CHM: variants seen among roughly 807,000 people sequenced by gnomAD.
CHM encodes the protein rab proteins geranylgeranyltransferase component A 1.
A neutral mutation model predicts 49.0 loss-of-function variants in CHM; 10 were observed. The observed-to-expected ratio is 0.20, with a 90% CI of 0.13 to 0.35. CHM has a LOEUF of 0.35. Among genes scored for constraint, CHM ranks in the 10% least tolerant of loss-of-function variants. The probability of loss-of-function intolerance (pLI) is 1.00; values close to 1 mark genes in which losing one functional copy is unlikely to be tolerated. For missense variants in CHM, 455 were observed against 478.4 expected, an observed-to-expected ratio of 0.95 and a Z score of 0.46; for synonymous variants, 184 against 167.5, an observed-to-expected ratio of 1.10 and a Z score of -0.76.
Position 85,900,654 on chromosome X carries a change from C to A in CHM, c.1405G>T (p.Asp469Tyr). 1 of 1,166,233 alleles carries A rather than the reference C, an allele frequency of 8.6e-7. No individual in the cohort carries two copies. The highest frequency in any genetic ancestry group is 1.2e-6 in the Non-Finnish European group (1 of 857,053). Residue 469 changes from aspartate to tyrosine, a missense_variant, in exon 11 of 15, where the codon GAT becomes TAT. Coordinates refer to ENST00000357749, the MANE Select transcript of CHM (RefSeq NM_000390.4). ...TATAGGACTGAATTTACCTGTTGAT[C>A]TGAATCTGTTTTTAGGACAGATCTA... ...TDRSVLKTDS[D>Y]QQISILTVPA...
chrX:85,983,780 C>T (rs1236275298), intron 2 of CHM, among the ~76,000 whole-genome samples: 2 of 111,264 alleles, frequency 1.8e-5, no homozygotes, highest in African/African-American at 3.3e-5. Context: ...AAAGTTTCTT[C>T]GGACACAAAA....
In CHM at chrX:85,863,543, G is replaced by T; in HGVS notation, c.*1087C>A. 1 of 111,733 alleles carries T rather than the reference G, an allele frequency of 8.9e-6. No individual in the cohort carries two copies. The highest frequency in any genetic ancestry group is 1.9e-5 in the Non-Finnish European group (1 of 53,138). The allele number at this position is 111,733 out of a possible 1,213,427, so 9.2% of individuals were successfully genotyped here. A position where few individuals can be genotyped will look rare whatever the true frequency, so the allele number is the denominator to read the frequency against. On this transcript the variant is annotated 3_prime_UTR_variant, in exon 15 of 15. Transcript: ENST00000357749. ...ATTCTACTTGTTACTATTTTTACTG[G>T]TCTGTAAGACTATAAAATACTACTT...
At chrX:85,882,634 T>C (rs1048631319) in intron 12 of CHM, among the ~76,000 whole-genome samples, 1 of 111,971 alleles carries the variant, frequency 8.9e-6, no homozygotes, top group African/African-American at 3.2e-5. Context: ...TGTATTGGCA[T>C]TAAAGAAATC....
At chrX:85,890,148 G>A (rs1454255457) in intron 12 of CHM, among the ~76,000 whole-genome samples, 1 of 111,201 alleles carries the variant, frequency 9.0e-6, no homozygotes, top group Non-Finnish European at 1.9e-5. Context: ...AGCATCATGC[G>A]ATATACCCTT....
chrX:85,974,234 T>C (rs1168395074), intron 4 of CHM, among the ~76,000 whole-genome samples: 1 of 112,112 alleles, frequency 8.9e-6, no homozygotes, highest in Middle Eastern at 4.7e-3. Flanking sequence ...CAAAATTCTA[T>C]TGAAGAAAAT....
chrX:86,006,232 C>T (rs1421520979), intron 2 of CHM, among the ~76,000 whole-genome samples: 2 of 111,518 alleles, frequency 1.8e-5, no homozygotes, highest in Non-Finnish European at 3.8e-5. Context: ...GCTAAAAACT[C>T]TCAATAAACT....
rs1179077493 is a variant in CHM at position 85,900,716 on chromosome X, T to C, written c.1350-7A>G. The C allele has an allele frequency of 4.3e-6, 5 of 1,161,481 alleles. No individual in the cohort carries two copies. The highest frequency in any genetic ancestry group is 1.8e-5 in the African/African-American group (1 of 56,236). On this transcript the variant is annotated splice_polypyrimidine_tract_variant and splice_region_variant and intron_variant, in intron 10 of 14. Transcript: ENST00000357749. ...CACTGCCCTGGAGATCTGCCTGTAA[T>C]GCACAAAACAGTGAAGCAGTAATTC... is the stretch of plus-strand genomic sequence containing the variant.
intron 4 of CHM, among the ~76,000 whole-genome samples, chrX:85,976,344 C>T (rs1182311651): frequency 8.9e-6 from 1 of 112,019 alleles, no homozygotes; most frequent in Non-Finnish European, 1.9e-5. Context: ...ATGTTAGAGC[C>T]GGGCGCAGTG....
rs749960112 is a variant in CHM at position 85,912,532 on chromosome X, T to C, written c.1167-1194A>G. ...AACACAGGAAAATAATAATGGAATGTCCAGAAAGACGACTATGGTAGGCTG... is the reference window on the plus strand; with the variant it reads ...AACACAGGAAAATAATAATGGAATGCCCAGAAAGACGACTATGGTAGGCTG... On this transcript the variant is annotated intron_variant, in intron 8 of 14. Transcript: ENST00000357749. Among the ~76,000 whole-genome samples, 8 of 111,431 alleles carry C rather than the reference T, an allele frequency of 7.2e-5. No individual in the cohort carries two copies. In the East Asian group the frequency reaches 2.3e-3, roughly 32 times the overall value.
At chrX:85,892,114 A>C (rs1296042158) in intron 12 of CHM, among the ~76,000 whole-genome samples, 1 of 111,822 alleles carries the variant, frequency 8.9e-6, no homozygotes, top group Non-Finnish European at 1.9e-5. Flanking sequence ...TGTATCTAGG[A>C]AGTTAACTAA....
intron 2 of CHM, among the ~76,000 whole-genome samples, chrX:86,004,800 A>T (rs1932818613): frequency 9.0e-6 from 1 of 111,575 alleles, no homozygotes; most frequent in African/African-American, 3.3e-5. Context: ...TTAGACTCCC[A>T]CACAATAATA....
intron 4 of CHM, among the ~76,000 whole-genome samples, chrX:85,968,252 T>C (rs188103437): frequency 7.0e-4 from 79 of 112,373 alleles, no homozygotes; most frequent in Non-Finnish European, 1.3e-3. Flanking sequence ...CAATTTTGAA[T>C]TGCTGCAATA....
chrX:85,925,228 A>G (rs1928015611), intron 8 of CHM, among the ~76,000 whole-genome samples: 1 of 111,410 alleles, frequency 9.0e-6, no homozygotes, highest in Non-Finnish European at 1.9e-5. Context: ...TCATAAGTAC[A>G]GTGACCACCT....
chrX:86,027,600 A>G (rs1450735629), intron 1 of CHM, 43 bp from the exon 2 acceptor site: 1 of 1,093,511 alleles, frequency 9.1e-7, no homozygotes, highest in Admixed American at 2.2e-5. Flanking sequence ...GTAGAAATAT[A>G]TATATTTTAC....
At chrX:85,977,975 T>A (rs1239236476) in intron 4 of CHM, among the ~76,000 whole-genome samples, 1 of 112,033 alleles carries the variant, frequency 8.9e-6, no homozygotes. Context: ...ACAAAGCGTA[T>A]CCTGAAGAAT....
intron 7 of CHM, 35 bp downstream of exon 7, chrX:85,957,820 A>C: frequency 2.5e-6 from 3 of 1,188,769 alleles, no homozygotes; most frequent in Non-Finnish European, 3.4e-6. Context: ...AGAAATGTCA[A>C]ATAATTGGAG....
intron 1 of CHM, among the ~76,000 whole-genome samples, chrX:86,038,738 C>A (rs1391339150): frequency 8.9e-6 from 1 of 111,751 alleles, no homozygotes; most frequent in Non-Finnish European, 1.9e-5. Context: ...CCAGGTCATT[C>A]CGTTCACCTT....
At chrX:85,912,789 G>A (rs1927109625) in intron 8 of CHM, among the ~76,000 whole-genome samples, 1 of 110,070 alleles carries the variant, frequency 9.1e-6, no homozygotes, top group South Asian at 4.0e-4. Context: ...GAGGCAGGCG[G>A]ATCACCTGAG....
intron 8 of CHM, among the ~76,000 whole-genome samples, chrX:85,936,617 G>C (rs1569418887): frequency 8.9e-6 from 1 of 112,189 alleles, no homozygotes; most frequent in Non-Finnish European, 1.9e-5. Flanking sequence ...TTTATAAAAA[G>C]ACTCAGTTTT....
Sources: allele counts gnomAD v4.1 joint callset (sites outside exome capture counted in the v4.1 genomes callset), GRCh38; gene constraint gnomAD v4.1.1; transcripts MANE v1.5; gene names NCBI Gene and HGNC (gene_info 2026-07-23, HGNC 2026-07-21).